Variants in PLPPR1 observed in about 807,000 individuals in gnomAD.
PLPPR1 encodes phospholipid phosphatase related 1, also known as phospholipid phosphatase-related protein type 1.
A neutral mutation model predicts 33.1 loss-of-function variants in PLPPR1; 10 were observed. The observed-to-expected ratio is 0.30, with a 90% CI of 0.19 to 0.51. The LOEUF (loss-of-function observed/expected upper bound fraction) is 0.51. PLPPR1 is among the 20% of genes least tolerant of loss of function. The pLI is 0.97. For synonymous variants in PLPPR1, 151 were observed against 151.0 expected (o/e 1.00, Z 0.00); for missense variants, 304 against 408.1 (o/e 0.74, Z 2.20).
At chr9:101,144,050 A>G (rs1831490439) in intron 1 of PLPPR1, among the ~76,000 whole-genome samples, 1 of 152,232 alleles carries the variant, frequency 6.6e-6, no homozygotes, top group South Asian at 2.1e-4. Flanking sequence ...GATTAAGAAA[A>G]TGTGGCACAC....
At chr9:101,277,619 A>C (rs986321504) in intron 3 of PLPPR1, among the ~76,000 whole-genome samples, 4 of 152,198 alleles carry the variant, frequency 2.6e-5, no homozygotes, top group African/African-American at 7.2e-5. Context: ...TGTTGGAGCT[A>C]AAAAAGCACC....
chr9:101,095,588 A>G (rs1340821850), intron 1 of PLPPR1, among the ~76,000 whole-genome samples: 1 of 152,220 alleles, frequency 6.6e-6, no homozygotes, highest in Non-Finnish European at 1.5e-5. Flanking sequence ...TGTGCCAGAC[A>G]TAAAACTTTC....
intron 2 of PLPPR1, among the ~76,000 whole-genome samples, chr9:101,192,277 A>G (rs538572489): frequency 6.6e-6 from 1 of 152,300 alleles, no homozygotes; most frequent in East Asian, 1.9e-4. Flanking sequence ...TTTTACATTT[A>G]AGTAACATTG....
intron 4 of PLPPR1, among the ~76,000 whole-genome samples, chr9:101,289,625 C>A (rs959958827): frequency 1.3e-5 from 2 of 152,180 alleles, no homozygotes; most frequent in African/African-American, 4.8e-5. Context: ...CTCAAAATAT[C>A]TGATGGTTTT....
intron 1 of PLPPR1, among the ~76,000 whole-genome samples, chr9:101,138,402 A>G (rs1373691677): frequency 1.3e-5 from 2 of 152,214 alleles, no homozygotes. Flanking sequence ...TTTTATATCT[A>G]TCTATCTGCC....
At chr9:101,279,316 G>T (rs1828253608) in intron 3 of PLPPR1, among the ~76,000 whole-genome samples, 1 of 152,094 alleles carries the variant, frequency 6.6e-6, no homozygotes, top group African/African-American at 2.4e-5. Flanking sequence ...CCAGCACTGG[G>T]GCATGCAGAT....
chr9:101,223,173 GA>G (rs149056321), intron 2 of PLPPR1, among the ~76,000 whole-genome samples: 4 of 40,320 alleles, frequency 9.9e-5, no homozygotes, highest in Admixed American at 3.6e-4. Context: ...AAAAAAAAAA[GA>G]AAAGAAAAAT....
intron 1 of PLPPR1, among the ~76,000 whole-genome samples, chr9:101,072,859 C>G (rs1327844469): frequency 1.3e-5 from 2 of 152,124 alleles, no homozygotes; most frequent in African/African-American, 4.8e-5. Context: ...GTTCTTGCAT[C>G]CATATGAAAG....
rs532582991 is a variant in PLPPR1 at position 101,294,051 on chromosome 9, C to G, written c.385+7815C>G. Among the ~76,000 whole-genome samples, 10 of 151,986 alleles carry G rather than the reference C, an allele frequency of 6.6e-5. No homozygotes were observed. In the East Asian group the frequency reaches 1.5e-3, roughly 23 times the overall value. ...GAAAGGATCAACAAAATTGATAGAC[C>G]GCTAGCAAGACTAATAAAGAAGAAA... On this transcript the variant is annotated intron_variant, in intron 4 of 7. Coordinates refer to ENST00000374874, the MANE Select transcript of PLPPR1 (RefSeq NM_207299.2).
At chr9:101,129,897 T>A (rs1831294509) in intron 1 of PLPPR1, among the ~76,000 whole-genome samples, 1 of 152,126 alleles carries the variant, frequency 6.6e-6, no homozygotes, top group African/African-American at 2.4e-5. Context: ...TCAAAATAAT[T>A]ATTCTAATTG....
chr9:101,260,321 C>T (rs1357212704), intron 2 of PLPPR1, among the ~76,000 whole-genome samples: 2 of 152,092 alleles, frequency 1.3e-5, no homozygotes, highest in African/African-American at 2.4e-5. Flanking sequence ...ATGGTTAACT[C>T]TTTAGCAGCA....
chr9:101,169,975 T>G (rs1017386382), intron 1 of PLPPR1, among the ~76,000 whole-genome samples: 1 of 151,874 alleles, frequency 6.6e-6, no homozygotes, highest in Non-Finnish European at 1.5e-5. Context: ...TTTCAAGACC[T>G]GCTGAGGATT....
chr9:101,128,179 CTG>C (rs1011585291), intron 1 of PLPPR1, among the ~76,000 whole-genome samples: 42 of 152,186 alleles, frequency 2.8e-4, no homozygotes, highest in African/African-American at 1.0e-3. Context: ...TAAGGAAAAA[CTG>C]GGACCATAGT....
chr9:101,164,554 G>C (rs1010046859), intron 1 of PLPPR1, among the ~76,000 whole-genome samples: 2 of 151,790 alleles, frequency 1.3e-5, no homozygotes, highest in Non-Finnish European at 2.9e-5. Flanking sequence ...TTTTAGTAGA[G>C]ACAGGGTTTT....
intron 2 of PLPPR1, among the ~76,000 whole-genome samples, chr9:101,229,433 C>G (rs1045543098): frequency 2.2e-4 from 34 of 151,770 alleles, no homozygotes; most frequent in African/African-American, 8.2e-4. Context: ...TTTATAAAAC[C>G]AATACATATA....
At position 101,286,239 on chromosome 9, in the gene PLPPR1, G is replaced by A; in HGVS notation, c.385+3G>A. On this transcript the variant is annotated splice_donor_region_variant and intron_variant, in intron 4 of 7. Transcript: ENST00000374874. The stretch of plus-strand genomic sequence containing the variant: ...TCGAAGGATCATAAGATTCACAGGT[G>A]AGTACAAGATGGTGCTGAACTAAGC... 1.2e-6 allele frequency: 2 copies of A among 1,613,322 alleles called. No homozygotes were observed. Among genetic ancestry groups the A allele is most frequent in the Non-Finnish European group, 1.7e-6 (2 of 1,179,542 alleles).
intron 2 of PLPPR1, among the ~76,000 whole-genome samples, chr9:101,209,603 GT>G (rs1826653274): frequency 6.6e-6 from 1 of 152,168 alleles, no homozygotes; most frequent in Non-Finnish European, 1.5e-5. Flanking sequence ...AGGGACTGAT[GT>G]TTGTTTTAAA....
chr9:101,153,326 A>G (rs1374785521), intron 1 of PLPPR1, among the ~76,000 whole-genome samples: 1 of 152,178 alleles, frequency 6.6e-6, no homozygotes, highest in Non-Finnish European at 1.5e-5. Flanking sequence ...ATATATAATC[A>G]TGTCATCTGC....
chr9:101,128,329 CA>C (rs1831271879), intron 1 of PLPPR1, among the ~76,000 whole-genome samples: 1 of 152,104 alleles, frequency 6.6e-6, no homozygotes, highest in African/African-American at 2.4e-5. Context: ...TGTTTAAATT[CA>C]GAGAAGTTAT....
Sources: gnomAD v4.1 joint callset for allele counts (sites outside exome capture counted in the v4.1 genomes callset) on GRCh38, gnomAD v4.1.1 for gene constraint, MANE v1.5 for transcripts, NCBI Gene and HGNC (gene_info 2026-07-23, HGNC 2026-07-21) for gene names.